C3orf70: variants seen among roughly 807,000 people sequenced by gnomAD.
C3orf70 encodes the protein UPF0524 protein C3orf70.
Under a neutral mutation model 20.7 loss-of-function variants are expected in C3orf70, and 15 were observed. The observed-to-expected ratio is 0.72, with a 90% CI of 0.48 to 1.11. C3orf70 has a LOEUF of 1.11. Among genes scored for constraint, C3orf70 ranks in the 50% most tolerant of loss-of-function variants. The pLI is 0.00. For missense variants in C3orf70, 332 were observed against 317.6 expected, an observed-to-expected ratio of 1.05 and a Z score of -0.34; for synonymous variants, 161 against 125.7, an observed-to-expected ratio of 1.28 and a Z score of -1.88.
At chr3:185,099,194 G>C (rs1334113646) in intron 1 of C3orf70, among the ~76,000 whole-genome samples, 1 of 152,140 alleles carries the variant, frequency 6.6e-6, no homozygotes, top group Non-Finnish European at 1.5e-5. Flanking sequence ...GTTAGCTATA[G>C]AGGCCAACAT....
chr3:185,149,491 A>G (rs1238222646), intron 1 of C3orf70, among the ~76,000 whole-genome samples: 1 of 152,022 alleles, frequency 6.6e-6, no homozygotes, highest in Non-Finnish European at 1.5e-5. Context: ...AGTGTGGTCC[A>G]GCTGTATTCA....
intron 1 of C3orf70, among the ~76,000 whole-genome samples, chr3:185,134,878 A>C (rs772638424): frequency 1.3e-5 from 2 of 152,052 alleles, no homozygotes; most frequent in Non-Finnish European, 2.9e-5. Flanking sequence ...AGGGAGAGCA[A>C]AAACTCCCAC....
intron 1 of C3orf70, among the ~76,000 whole-genome samples, chr3:185,133,317 T>C (rs1278693863): frequency 6.6e-6 from 1 of 152,254 alleles, no homozygotes; most frequent in African/African-American, 2.4e-5. Context: ...ATCCCACTTC[T>C]AGGACTTTAA....
intron 1 of C3orf70, among the ~76,000 whole-genome samples, chr3:185,117,301 T>C (rs574626746): frequency 6.6e-6 from 1 of 152,170 alleles, no homozygotes; most frequent in Non-Finnish European, 1.5e-5. Context: ...CACTTTAAAA[T>C]ATGTAAAATA....
chr3:185,095,735 CTTTTTTTTT>C (rs756180408), intron 1 of C3orf70, among the ~76,000 whole-genome samples: 1 of 127,556 alleles, frequency 7.8e-6, no homozygotes, highest in African/African-American at 2.8e-5. Flanking sequence ...CATTCTGAAA[CTTTTTTTTT>C]TTTTTTTTTT....
chr3:185,129,527 G>A (rs1716486325), intron 1 of C3orf70, among the ~76,000 whole-genome samples: 1 of 152,192 alleles, frequency 6.6e-6, no homozygotes, highest in African/African-American at 2.4e-5. Flanking sequence ...GAATAGTGCT[G>A]TGGTGATCAC....
intron 1 of C3orf70, among the ~76,000 whole-genome samples, chr3:185,095,693 C>T (rs1395391727): frequency 6.6e-6 from 1 of 151,774 alleles, no homozygotes; most frequent in Non-Finnish European, 1.5e-5. Context: ...TATTCAAGAA[C>T]CTCATTTTCA....
At chr3:185,108,043 A>T (rs552201484) in intron 1 of C3orf70, among the ~76,000 whole-genome samples, 9 of 152,174 alleles carry the variant, frequency 5.9e-5, no homozygotes, top group Non-Finnish European at 1.2e-4. Context: ...TAGAAAAATT[A>T]TTGTCCCTCT....
intron 1 of C3orf70, among the ~76,000 whole-genome samples, chr3:185,142,012 C>G (rs1328810192): frequency 2.0e-5 from 3 of 152,108 alleles, no homozygotes; most frequent in African/African-American, 4.8e-5. Flanking sequence ...CCTGGGACAT[C>G]TTGTGCCAGA....
intron 1 of C3orf70, among the ~76,000 whole-genome samples, chr3:185,090,068 C>T (rs1013232599): frequency 4.6e-5 from 7 of 151,872 alleles, no homozygotes; most frequent in Admixed American, 1.3e-4. Context: ...TTCTTAGACT[C>T]AGCCTTGAGA....
intron 1 of C3orf70, among the ~76,000 whole-genome samples, chr3:185,120,932 C>CAT (rs140613354): frequency 0.052 from 7,873 of 152,032 alleles, 659 homozygotes; most frequent in African/African-American, 0.18. Flanking sequence ...CTTGAACACA[C>CAT]GTTTATAGCA....
At chr3:185,128,374 A>G (rs1392902468) in intron 1 of C3orf70, among the ~76,000 whole-genome samples, 2 of 152,134 alleles carry the variant, frequency 1.3e-5, no homozygotes, top group African/African-American at 4.8e-5. Context: ...CTTAAAATAT[A>G]AAAATTAGCC....
At chr3:185,145,169 G>A (rs550576334) in intron 1 of C3orf70, among the ~76,000 whole-genome samples, 3 of 152,324 alleles carry the variant, frequency 2.0e-5, no homozygotes, top group East Asian at 1.9e-4. Context: ...AATTTCCCTA[G>A]AAACATTCTT....
intron 1 of C3orf70, among the ~76,000 whole-genome samples, chr3:185,140,230 C>T (rs914669180): frequency 1.3e-5 from 2 of 152,180 alleles, no homozygotes; most frequent in South Asian, 2.1e-4. Context: ...CAACTATAAA[C>T]TAATCATGCA....
intron 1 of C3orf70, among the ~76,000 whole-genome samples, chr3:185,126,113 G>A (rs969951741): frequency 5.3e-5 from 8 of 152,108 alleles, no homozygotes; most frequent in African/African-American, 1.9e-4. Context: ...ACAGGATGTC[G>A]ATGAAAAAAT....
chr3:185,150,541 A>T (rs1047606867), intron 1 of C3orf70, among the ~76,000 whole-genome samples: 3 of 151,512 alleles, frequency 2.0e-5, no homozygotes, highest in Non-Finnish European at 2.9e-5. Flanking sequence ...CACATATGTT[A>T]AAAAAAAACA....
At chr3:185,152,061 C>G (rs971479262) in intron 1 of C3orf70, among the ~76,000 whole-genome samples, 1 of 152,232 alleles carries the variant, frequency 6.6e-6, no homozygotes, top group Non-Finnish European at 1.5e-5. Flanking sequence ...ACCTTCCAAA[C>G]TGTTAATATT....
At chr3:185,149,555 A>G (rs1716948222) in intron 1 of C3orf70, among the ~76,000 whole-genome samples, 1 of 152,140 alleles carries the variant, frequency 6.6e-6, no homozygotes, top group African/African-American at 2.4e-5. Flanking sequence ...GGTGTTCAAT[A>G]TATGTTCAAC....
intron 1 of C3orf70, among the ~76,000 whole-genome samples, chr3:185,124,309 T>G (rs1021647808): frequency 2.6e-5 from 4 of 152,170 alleles, no homozygotes; most frequent in African/African-American, 9.7e-5. Context: ...ATACACAAAT[T>G]CAATGCAAGT....
Sources: allele counts gnomAD v4.1 joint callset (sites outside exome capture counted in the v4.1 genomes callset), GRCh38; gene constraint gnomAD v4.1.1; transcripts MANE v1.5; gene names NCBI Gene and HGNC (gene_info 2026-07-23, HGNC 2026-07-21).